The following PKHD1 variants were observed in gnomAD, a reference collection of about 807,000 sequenced individuals.
The protein encoded by PKHD1 is fibrocystin.
PKHD1 carries 291 observed loss-of-function variants against 412.0 expected under a neutral mutation model. The observed-to-expected ratio is 0.71, with a 90% CI of 0.64 to 0.78. The LOEUF is 0.78. Among genes scored for constraint, PKHD1 ranks in the 30% least tolerant of loss-of-function variants. The pLI, the probability that PKHD1 is intolerant of heterozygous loss-of-function variation, is 0.00. For missense variants in PKHD1, 4,825 were observed against 4,950.7 expected (o/e 0.97, Z 0.76); for synonymous variants, 1,777 against 1,821.5 (o/e 0.98, Z 0.62).
Position 51,659,964 on chromosome 6 carries a change from A to G in PKHD1, c.10162T>C (p.Phe3388Leu), listed in dbSNP as rs764719233. The change falls in exon 61 of 67, where the codon TTT (phenylalanine) becomes CTT (leucine). Residue 3388 changes from phenylalanine to leucine, a missense_variant. Physicochemically the swap from Phe to Leu is conservative, Grantham distance 22. Transcript: ENST00000371117. Reference protein sequence around the residue: ...WTASFFNAGTFREEQKCTYQF... With the variant: ...WTASFFNAGTLREEQKCTYQF... ...TATGTACATTTCTGTTCTTCTCTAA[A>G]TGTACCTATAAAAGAAAAGAAGCAA... 7 of 1,592,386 alleles carry G rather than the reference A, an allele frequency of 4.4e-6. No homozygotes were observed. Among genetic ancestry groups the G allele is most frequent in the Non-Finnish European group, 6.0e-6 (7 of 1,160,932 alleles).
At chr6:52,069,348 A>G in intron 11 of PKHD1, 109 bp downstream of exon 11, 2 of 816,208 alleles carry the variant, frequency 2.5e-6, no homozygotes, top group East Asian at 4.8e-5. Context: ...GATTGTAGGG[A>G]CAGCTTCGGG....
At chr6:52,067,170 T>C (rs1809860296) in intron 11 of PKHD1, among the ~76,000 whole-genome samples, 1 of 152,176 alleles carries the variant, frequency 6.6e-6, no homozygotes, top group South Asian at 2.1e-4. Context: ...AGAGGAGACA[T>C]ATGGAGGCAA....
Position 51,802,868 on chromosome 6 carries a change from T to C in PKHD1, c.8303-11495A>G, listed in dbSNP as rs548978469. On this transcript the variant is annotated intron_variant, in intron 52 of 66. Transcript: ENST00000371117. ...GATTCTTTAATTTTCCTCGGTATTA[T>C]TGACTTTTTTTCTTAAGTTCTCAAT... Among the ~76,000 whole-genome samples, 139 of 151,206 alleles carry C rather than the reference T, an allele frequency of 9.2e-4. 2 individuals carry two copies. Among genetic ancestry groups the C allele is most frequent in the Non-Finnish European group, 1.6e-3 (111 of 67,952 alleles).
At chr6:52,039,280 A>T (rs1298508008) in intron 27 of PKHD1, among the ~76,000 whole-genome samples, 3 of 152,196 alleles carry the variant, frequency 2.0e-5, no homozygotes, top group African/African-American at 7.2e-5. Context: ...TCCTCACCCA[A>T]ATATATCAAA....
intron 66 of PKHD1, chr6:51,622,055 T>G (rs1581712646): frequency 6.6e-6 from 1 of 152,286 alleles, no homozygotes; most frequent in East Asian, 1.9e-4. Context: ...ACTGGTGGAT[T>G]TGATCAAGTT....
chr6:51,839,340 T>C (rs1252055990), intron 50 of PKHD1, among the ~76,000 whole-genome samples: 1 of 152,234 alleles, frequency 6.6e-6, no homozygotes, highest in Non-Finnish European at 1.5e-5. Context: ...CTTCCGTGTT[T>C]ATAAATGGAG....
At chr6:51,821,565 T>G (rs1341200640) in intron 52 of PKHD1, among the ~76,000 whole-genome samples, 2 of 152,222 alleles carry the variant, frequency 1.3e-5, no homozygotes, top group African/African-American at 4.8e-5. Flanking sequence ...AACATGGACT[T>G]CAATTCTTAC....
intron 60 of PKHD1, among the ~76,000 whole-genome samples, chr6:51,701,535 C>A (rs1779400354): frequency 6.6e-6 from 1 of 151,976 alleles, no homozygotes; most frequent in Non-Finnish European, 1.5e-5. Context: ...TAGTTAAATT[C>A]CAGTATGATA....
At chr6:51,661,489 A>G (rs1772864557) in intron 60 of PKHD1, among the ~76,000 whole-genome samples, 1 of 152,070 alleles carries the variant, frequency 6.6e-6, no homozygotes, top group Non-Finnish European at 1.5e-5. Context: ...TTGGATGTCA[A>G]ACTATATAAT....
rs150597050 is a variant in PKHD1, at chr6:52,050,268, C to A, written c.2168G>T (p.Arg723Leu). 8.8e-4 allele frequency: 1,418 copies of A among 1,614,006 alleles called. 16 individuals carry two copies. The South Asian group carries it at 9.7e-3, about 11-fold the overall frequency. Residue 723 changes from arginine to leucine, a missense_variant, in exon 22 of 67, where the codon CGC (arginine) becomes CTC (leucine). Physicochemically the swap from Arg to Leu is moderately radical, Grantham distance 102. Coordinates refer to ENST00000371117, the MANE Select transcript of PKHD1 (RefSeq NM_138694.4). ...TVSQADSGTA[R>L]PGGNLVESVS... ...TGATTCCACCAGATTGCCCCCTGGG[C>A]GAGCCGTTCCAGAATCAGCTTGAGA...
At position 52,040,523 on chromosome 6, in the gene PKHD1, G is replaced by C. The variant is rs1215139184; in HGVS notation, c.3097+2336C>G. Among the ~76,000 whole-genome samples, 3 of 152,116 alleles carry C rather than the reference G, an allele frequency of 2.0e-5. 1 individual carries two copies. The highest frequency in any genetic ancestry group is 4.4e-5 in the Non-Finnish European group (3 of 68,026). ...ATCTCACTCAGAATAAAAGCTGAGT[G>C]AGCTGAGGGCCATTCATATCCCCCA... On this transcript the variant is annotated intron_variant, in intron 27 of 66. Coordinates refer to ENST00000371117, the MANE Select transcript of PKHD1 (RefSeq NM_138694.4).
At chr6:51,755,884 T>C (rs1346469764) in intron 55 of PKHD1, among the ~76,000 whole-genome samples, 2 of 151,786 alleles carry the variant, frequency 1.3e-5, no homozygotes, top group Non-Finnish European at 2.9e-5. Context: ...AAAACATATG[T>C]CATTTGTATT....
rs1356820089 is a variant in PKHD1, at chr6:51,618,512, T to A, written c.*569A>T. On this transcript the variant is annotated 3_prime_UTR_variant, in exon 67 of 67. Transcript: ENST00000371117. ...CTGTAGGTTCTCAATAATGATTGAA[T>A]TTAAACCATGAAATAAAATCCACTT... 3 of 169,848 alleles carry A rather than the reference T, an allele frequency of 1.8e-5. No individual in the cohort carries two copies. Among genetic ancestry groups the A allele is most frequent in the African/African-American group, 7.2e-5 (3 of 41,596 alleles). 10.5% of individuals were successfully genotyped at this position (169,848 alleles called of 1,614,324 possible). A position where few individuals can be genotyped will look rare whatever the true frequency, so the allele number is the denominator to read the frequency against.
At chr6:51,707,717 G>C (rs9395707) in intron 60 of PKHD1, among the ~76,000 whole-genome samples, 1 of 151,964 alleles carries the variant, frequency 6.6e-6, no homozygotes, top group Admixed American at 6.6e-5. Context: ...GAAACTGCTT[G>C]TATCAAGATT....
At chr6:51,705,108 T>G (rs9463705) in intron 60 of PKHD1, among the ~76,000 whole-genome samples, 228 of 152,178 alleles carry the variant, frequency 1.5e-3, no homozygotes, top group African/African-American at 5.3e-3. Flanking sequence ...AAAACTCAGT[T>G]GTCCATATCA....
intron 36 of PKHD1, among the ~76,000 whole-genome samples, chr6:51,957,568 G>A (rs1432986871): frequency 1.3e-5 from 2 of 152,104 alleles, no homozygotes; most frequent in African/African-American, 4.8e-5. Flanking sequence ...CCAATGAAGT[G>A]TTGCTACATG....
intron 44 of PKHD1, among the ~76,000 whole-genome samples, chr6:51,886,569 C>T (rs1284322614): frequency 6.6e-6 from 1 of 152,144 alleles, no homozygotes; most frequent in Non-Finnish European, 1.5e-5. Context: ...TACATCATAT[C>T]ATTTAAATGA....
Position 52,010,427 on chromosome 6 carries a change from T to C in PKHD1, c.5633A>G (p.Tyr1878Cys). 3 of 1,607,594 alleles carry C rather than the reference T, an allele frequency of 1.9e-6. No homozygotes were observed. The highest frequency in any genetic ancestry group is 2.6e-6 in the Non-Finnish European group (3 of 1,174,070). ...PKLERDEVLI[Y>C]NSSCNITMET... The stretch of plus-strand genomic sequence containing the variant: ...CATGGTAATGTTACAGGAGCTATTA[T>C]AGATGAGAACTTCATCTCTTTCCAA... The change falls in exon 35 of 67, where the codon TAT (tyrosine) becomes TGT (cysteine). Residue 1878 changes from tyrosine (Y) to cysteine (C), a missense_variant. Transcript: ENST00000371117.
At chr6:51,792,490 T>C (rs962659725) in intron 52 of PKHD1, among the ~76,000 whole-genome samples, 1 of 152,226 alleles carries the variant, frequency 6.6e-6, no homozygotes, top group Non-Finnish European at 1.5e-5. Context: ...ATTATAAGAA[T>C]GGCCATGCCC....
Sources: gnomAD v4.1 joint callset for allele counts (sites outside exome capture counted in the v4.1 genomes callset) on GRCh38, gnomAD v4.1.1 for gene constraint, MANE v1.5 for transcripts, NCBI Gene and HGNC (gene_info 2026-07-23, HGNC 2026-07-21) for gene names.